Variants in DNM3 observed in about 807,000 individuals in gnomAD.
DNM3 encodes dynamin 3.
DNM3 carries 47 observed loss-of-function variants against 101.6 expected under a neutral mutation model. The observed-to-expected ratio is 0.46, with a 90% confidence interval of 0.37 to 0.59. DNM3 has a LOEUF of 0.59. DNM3 is among the 20% of genes least tolerant of loss of function. The pLI, the probability that DNM3 is intolerant of heterozygous loss-of-function variation, is 0.00. For missense variants in DNM3, 849 were observed against 1,085.7 expected (o/e 0.78, Z 3.06); for synonymous variants, 385 against 387.9 (o/e 0.99, Z 0.09).
intron 2 of DNM3, among the ~76,000 whole-genome samples, chr1:171,954,196 G>A (rs1414966163): frequency 1.3e-5 from 2 of 152,204 alleles, no homozygotes; most frequent in Non-Finnish European, 2.9e-5. Flanking sequence ...ACTTTGCCTG[G>A]ATCCTCTATT....
At chr1:172,298,869 GAGAGAGAAAGAC>G (rs1458642261) in intron 15 of DNM3, among the ~76,000 whole-genome samples, 8 of 145,226 alleles carry the variant, frequency 5.5e-5, no homozygotes, top group African/African-American at 2.0e-4. Context: ...AAGAGAGAGA[GAGAGAGAAAGAC>G]AGAGAAAGAA....
intron 20 of DNM3, among the ~76,000 whole-genome samples, chr1:172,418,105 CCCTTCATTTCCTT>C (rs1417794827): frequency 6.6e-6 from 1 of 152,010 alleles, no homozygotes; most frequent in Non-Finnish European, 1.5e-5. Flanking sequence ...TATGTGATGT[CCCTTCATTTCCTT>C]TGCATGTCTG....
At chr1:172,254,738 A>G (rs1256398940) in intron 15 of DNM3, among the ~76,000 whole-genome samples, 2 of 152,128 alleles carry the variant, frequency 1.3e-5, no homozygotes, top group African/African-American at 4.8e-5. Flanking sequence ...CATGATCTTC[A>G]CTGAAACTTA....
At chr1:172,242,192 G>A (rs2148653145) in intron 14 of DNM3, among the ~76,000 whole-genome samples, 1 of 152,236 alleles carries the variant, frequency 6.6e-6, no homozygotes, top group Non-Finnish European at 1.5e-5. Context: ...GTAGGGACAG[G>A]GAAGCCCATC....
chr1:171,951,006 C>T (rs1039117295), intron 2 of DNM3, among the ~76,000 whole-genome samples: 3 of 152,048 alleles, frequency 2.0e-5, no homozygotes, highest in Non-Finnish European at 2.9e-5. Context: ...TGTGCTGTGT[C>T]GTCTGGTCAT....
intron 4 of DNM3, 49 bp from the exon 5 acceptor site, chr1:172,032,353 T>C: frequency 7.4e-7 from 1 of 1,344,124 alleles, no homozygotes; most frequent in Non-Finnish European, 1.1e-6. Context: ...TGTCTAAAAT[T>C]TGTTAGTCTT....
In DNM3 at chr1:171,841,584, C is replaced by T; in HGVS notation, c.-73C>T. On this transcript the variant is annotated 5_prime_UTR_variant, in exon 1 of 21. Coordinates refer to ENST00000627582, the MANE Select transcript of DNM3 (RefSeq NM_015569.5). Reference sequence around the variant, plus strand: ...CCCGGCGCAGCAGCAGCAGCCAGGGCAGCGCGGCCCCTACTCCCTGTCAGG... The same window carrying T: ...CCCGGCGCAGCAGCAGCAGCCAGGGTAGCGCGGCCCCTACTCCCTGTCAGG... 6.5e-7 allele frequency: 1 copy of T among 1,538,178 alleles called. No homozygotes were observed. Among genetic ancestry groups the T allele is most frequent in the East Asian group, 2.4e-5 (1 of 41,104 alleles).
intron 1 of DNM3, chr1:171,864,239 A>C (rs2034478654): frequency 6.6e-6 from 1 of 152,250 alleles, no homozygotes. Context: ...TTTTCTTGGC[A>C]TACCATTTAA....
In DNM3 at chr1:172,378,952, G is replaced by T; in HGVS notation, c.1894-66G>T. The T allele has an allele frequency of 2.6e-6, 4 of 1,513,544 alleles. No homozygotes were observed. In the South Asian group the frequency reaches 5.2e-5, roughly 20 times the overall value. 93.8% of individuals were successfully genotyped at this position (1,513,544 alleles called of 1,614,324 possible). ...AATCAGAAGTTGATAATCTGATAACGACTGACATTTTATTTTCTTCTGAGT... is the reference window on the plus strand; with the variant it reads ...AATCAGAAGTTGATAATCTGATAACTACTGACATTTTATTTTCTTCTGAGT... On this transcript the variant is annotated intron_variant, in intron 17 of 20. Transcript: ENST00000627582.
intron 1 of DNM3, among the ~76,000 whole-genome samples, chr1:171,889,004 C>T (rs573387102): frequency 6.6e-6 from 1 of 152,082 alleles, no homozygotes; most frequent in African/African-American, 2.4e-5. Context: ...GAGACAGGGC[C>T]TCTCTCTGTC....
At chr1:171,857,912 GCTCT>G (rs145060647) in intron 1 of DNM3, among the ~76,000 whole-genome samples, 2,193 of 151,552 alleles carry the variant, frequency 0.014, 60 homozygotes, top group African/African-American at 0.048. Context: ...GCACTGGAGA[GCTCT>G]CTCTCTCTCT....
At chr1:171,968,478 C>T (rs2043752857) in intron 2 of DNM3, among the ~76,000 whole-genome samples, 1 of 152,160 alleles carries the variant, frequency 6.6e-6, no homozygotes, top group Non-Finnish European at 1.5e-5. Flanking sequence ...TGGGTTGTTT[C>T]AAGGTTACTT....
chr1:171,865,903 T>TA (rs1440981246), intron 1 of DNM3, among the ~76,000 whole-genome samples: 7 of 152,214 alleles, frequency 4.6e-5, no homozygotes, highest in African/African-American at 7.2e-5. Flanking sequence ...CATGTTGAGA[T>TA]TTCAATGTAA....
intron 14 of DNM3, among the ~76,000 whole-genome samples, chr1:172,181,746 G>A (rs1388899297): frequency 6.6e-6 from 1 of 151,568 alleles, no homozygotes; most frequent in Non-Finnish European, 1.5e-5. Flanking sequence ...GTATCCAGAT[G>A]TGCATGTGTA....
At chr1:172,069,425 C>T (rs2051980039) in intron 11 of DNM3, among the ~76,000 whole-genome samples, 1 of 152,058 alleles carries the variant, frequency 6.6e-6, no homozygotes, top group Non-Finnish European at 1.5e-5. Flanking sequence ...TTGAGAACTA[C>T]TCTTTTAAAC....
At chr1:172,077,647 A>G (rs2052773327) in intron 11 of DNM3, among the ~76,000 whole-genome samples, 2 of 152,052 alleles carry the variant, frequency 1.3e-5, no homozygotes, top group Admixed American at 6.5e-5. Context: ...CCTGAGTTCT[A>G]ATTTGATTGC....
At chr1:172,384,920 C>T (rs2069105813) in intron 18 of DNM3, among the ~76,000 whole-genome samples, 1 of 152,218 alleles carries the variant, frequency 6.6e-6, no homozygotes, top group African/African-American at 2.4e-5. Flanking sequence ...TGATTCCCTG[C>T]ATACCTGCAA....
intron 2 of DNM3, among the ~76,000 whole-genome samples, chr1:171,928,113 G>T (rs1412134902): frequency 6.6e-6 from 1 of 152,198 alleles, no homozygotes; most frequent in Non-Finnish European, 1.5e-5. Flanking sequence ...TGTTAGTGAG[G>T]TATTTTTGGT....
At chr1:172,082,997 A>G (rs1363616029) in intron 12 of DNM3, among the ~76,000 whole-genome samples, 2 of 152,218 alleles carry the variant, frequency 1.3e-5, no homozygotes, top group African/African-American at 4.8e-5. Flanking sequence ...GTTAGAACCC[A>G]ACGATAAATA....
Sources: gnomAD v4.1 joint callset for allele counts (sites outside exome capture counted in the v4.1 genomes callset) on GRCh38, gnomAD v4.1.1 for gene constraint, MANE v1.5 for transcripts, NCBI Gene and HGNC (gene_info 2026-07-23, HGNC 2026-07-21) for gene names.